The following SPTBN1 variants were observed in gnomAD, a reference collection of about 807,000 sequenced individuals.
SPTBN1 encodes the protein spectrin beta, non-erythrocytic 1, also known as spectrin beta chain, non-erythrocytic 1.
A neutral mutation model predicts 266.4 loss-of-function variants in SPTBN1; 32 were observed. The ratio of observed to expected loss-of-function variants is 0.12; its 90% confidence interval spans 0.09 to 0.16. The LOEUF is 0.16. Among genes scored for constraint, SPTBN1 ranks in the 10% least tolerant of loss-of-function variants. The pLI, the probability that SPTBN1 is intolerant of heterozygous loss-of-function variation, is 1.00. For synonymous variants in SPTBN1, 1,336 were observed against 1,162.2 expected, an observed-to-expected ratio of 1.15 and a Z score of -3.04; for missense variants, 2,296 against 3,067.1, an observed-to-expected ratio of 0.75 and a Z score of 5.94.
intron 1 of SPTBN1, among the ~76,000 whole-genome samples, chr2:54,504,021 G>T (rs1669420274): frequency 6.6e-6 from 1 of 152,150 alleles, no homozygotes; most frequent in Non-Finnish European, 1.5e-5. Context: ...ACTATATTAG[G>T]AATTTGTTAC....
intron 2 of SPTBN1, among the ~76,000 whole-genome samples, chr2:54,580,449 A>G (rs1674815718): frequency 6.6e-6 from 1 of 152,196 alleles, no homozygotes; most frequent in Admixed American, 6.5e-5. Context: ...GAATACATAA[A>G]GAGCACATTT....
At chr2:54,611,401 C>T (rs114287954) in intron 3 of SPTBN1, among the ~76,000 whole-genome samples, 3,929 of 152,006 alleles carry the variant, frequency 0.026, 171 homozygotes, top group African/African-American at 0.087. Flanking sequence ...TTACAGGAGA[C>T]GTATATATAC....
chr2:54,640,880 A>G (rs1679489313), intron 18 of SPTBN1, among the ~76,000 whole-genome samples: 1 of 152,200 alleles, frequency 6.6e-6, no homozygotes. Context: ...TGATATCCTG[A>G]AAAACGAATG....
chr2:54,486,919 A>G (rs1668427399), intron 1 of SPTBN1, among the ~76,000 whole-genome samples: 1 of 152,108 alleles, frequency 6.6e-6, no homozygotes, highest in Non-Finnish European at 1.5e-5. Flanking sequence ...TTGCTTTGTA[A>G]CAAGCAAACA....
intron 2 of SPTBN1, among the ~76,000 whole-genome samples, chr2:54,549,720 T>G (rs1388253214): frequency 6.6e-6 from 1 of 152,108 alleles, no homozygotes; most frequent in African/African-American, 2.4e-5. Context: ...TCATCCCAGC[T>G]GGGTAATCTG....
In SPTBN1 at chr2:54,492,338, G is replaced by GGTTT. The variant is rs1558775035; in HGVS notation, c.-47-34034_-47-34033insGTTT. On this transcript the variant is annotated intron_variant, in intron 1 of 35. Transcript: ENST00000356805. Reference sequence around the variant, plus strand: ...TTACTGGACATTTAGTTTGTCTGCAGTTGTTTTTTTGTTTTTTTTTTTTTT... The same window carrying GGTTT: ...TTACTGGACATTTAGTTTGTCTGCAGGTTTTTGTTTTTTTGTTTTTTTTTTTTTT... 1.0e-4 allele frequency among the ~76,000 whole-genome samples: 12 copies of GGTTT among 118,112 alleles called. 3 individuals are homozygous for GGTTT. Among genetic ancestry groups the GGTTT allele is most frequent in the Admixed American group, 8.1e-5 (1 of 12,276 alleles). The allele number at this position is 118,112 out of a possible 152,430, so 77.5% of individuals were successfully genotyped here.
intron 1 of SPTBN1, among the ~76,000 whole-genome samples, chr2:54,491,449 G>A (rs1668677467): frequency 6.6e-6 from 1 of 152,204 alleles, no homozygotes; most frequent in East Asian, 1.9e-4. Flanking sequence ...GTCATCTTAT[G>A]TAAGAATAAC....
chr2:54,543,601 T>G (rs1288272234), intron 2 of SPTBN1, among the ~76,000 whole-genome samples: 1 of 152,144 alleles, frequency 6.6e-6, no homozygotes, highest in Non-Finnish European at 1.5e-5. Flanking sequence ...TGTTTTTTTT[T>G]TAATTAAAAA....
intron 2 of SPTBN1, among the ~76,000 whole-genome samples, chr2:54,593,823 CTTTTTTT>C (rs374877354): frequency 0.011 from 690 of 64,786 alleles, 8 homozygotes; most frequent in Admixed American, 0.014. Flanking sequence ...CATGGAAACA[CTTTTTTT>C]TTTTTTTTTT....
At chr2:54,521,591 G>A (rs973025230) in intron 1 of SPTBN1, among the ~76,000 whole-genome samples, 10 of 152,086 alleles carry the variant, frequency 6.6e-5, no homozygotes, top group Non-Finnish European at 1.2e-4. Flanking sequence ...ATGGCTCACT[G>A]CGGCCTTGAC....
Position 54,670,947 on chromosome 2 carries a change from T to C in SPTBN1, c.*2378T>C, listed in dbSNP as rs1376481675. Reference sequence around the variant, plus strand: ...TCAAGCCTGGCAGGGTAAATAGTTTTTGGGTTTTTTGTTTTTTTTTTATTC... The same window carrying C: ...TCAAGCCTGGCAGGGTAAATAGTTTCTGGGTTTTTTGTTTTTTTTTTATTC... On this transcript the variant is annotated 3_prime_UTR_variant, in exon 36 of 36. Transcript: ENST00000356805. 4 of 397,478 alleles carry C rather than the reference T, an allele frequency of 1.0e-5. No homozygotes were observed. The East Asian group carries it at 1.1e-4, about 11-fold the overall frequency. The allele number at this position is 397,478 out of a possible 1,614,324, so 24.6% of individuals were successfully genotyped here.
chr2:54,606,431 G>A (rs1676843438), intron 3 of SPTBN1, among the ~76,000 whole-genome samples: 1 of 152,112 alleles, frequency 6.6e-6, no homozygotes. Context: ...CATGTAGCTG[G>A]ACCACTCACT....
At chr2:54,632,503 T>G (rs559189692) in intron 16 of SPTBN1, 63 bp from the exon 17 acceptor site, 38 of 1,515,478 alleles carry the variant, frequency 2.5e-5, no homozygotes, top group Admixed American at 1.0e-4. Context: ...CACGGAAATG[T>G]AGAACACAGG....
Position 54,617,700 on chromosome 2 carries a change from CA to C in SPTBN1, c.647+15del. The stretch of plus-strand genomic sequence containing the variant: ...ATACACAAACACCGGTAAGTCCATA[CA>C]AATCATCCTAGCAATCGTGGGGTAA... On this transcript the variant is annotated intron_variant, in intron 6 of 35. Transcript: ENST00000356805. 1 of 1,613,190 alleles carries C rather than the reference CA, an allele frequency of 6.2e-7. No homozygotes were observed. The highest frequency in any genetic ancestry group is 8.5e-7 in the Non-Finnish European group (1 of 1,179,316).
At chr2:54,613,978 A>G (rs1016458009) in intron 4 of SPTBN1, among the ~76,000 whole-genome samples, 1 of 152,198 alleles carries the variant, frequency 6.6e-6, no homozygotes, top group Admixed American at 6.5e-5. Context: ...GGGAGCTGGC[A>G]CACACAGCCC....
At chr2:54,661,607 C>T in intron 32 of SPTBN1, 2 of 985,838 alleles carry the variant, frequency 2.0e-6, no homozygotes, top group Non-Finnish European at 2.4e-6. Context: ...CCTTAAAACA[C>T]ATCAAAATTC....
rs2104066824 is a variant in SPTBN1 at position 54,646,174 on chromosome 2, G to A, written c.4585-20G>A. 2 of 1,596,166 alleles carry A rather than the reference G, an allele frequency of 1.3e-6. No homozygotes were observed. Among genetic ancestry groups the A allele is most frequent in the Non-Finnish European group, 8.5e-7 (1 of 1,169,892 alleles). On this transcript the variant is annotated intron_variant, in intron 22 of 35. Transcript: ENST00000356805. The surrounding 1 kb of genome is among the most constrained non-coding windows in gnomAD (Gnocchi z 4.4). ...GCTGCCATTTAGCAAGCCTTTGTGT[G>A]TATTTTCCGCTCCCTCCAGACCCTC...
chr2:54,649,270 G>A lies in SPTBN1; in HGVS notation c.5202+80G>A. 6.9e-7 allele frequency: 1 copy of A among 1,448,054 alleles called. No homozygotes were observed. The allele number at this position is 1,448,054 out of a possible 1,614,324, so 89.7% of individuals were successfully genotyped here. A position where few individuals can be genotyped will look rare whatever the true frequency, so the allele number is the denominator to read the frequency against. On this transcript the variant is annotated intron_variant, in intron 25 of 35. Coordinates refer to ENST00000356805, the MANE Select transcript of SPTBN1 (RefSeq NM_003128.3). This position sits in a 1 kb window ranked among gnomAD's most constrained non-coding sequence, Gnocchi z 6.7. ...GGCCATTTGCATTCCTTGTCTGTGA[G>A]CAGATAAAATGCCCTGGACTCCAAT...
At chr2:54,474,887 T>C (rs956411525) in intron 1 of SPTBN1, among the ~76,000 whole-genome samples, 1 of 152,184 alleles carries the variant, frequency 6.6e-6, no homozygotes. Flanking sequence ...CAAAAGTGGA[T>C]GTAGGCTGGG....
Sources: gnomAD v4.1 joint callset for allele counts (sites outside exome capture counted in the v4.1 genomes callset) on GRCh38, gnomAD v4.1.1 for gene constraint, Gnocchi (gnomAD v3.1) non-coding constraint, MANE v1.5 for transcripts, NCBI Gene and HGNC (gene_info 2026-07-23, HGNC 2026-07-21) for gene names.